Variants in DPY19L1 observed in about 807,000 individuals in gnomAD.
The protein encoded by DPY19L1 is protein C-mannosyl-transferase DPY19L1.
A neutral mutation model predicts 96.9 loss-of-function variants in DPY19L1; 35 were observed. The observed-to-expected ratio is 0.36, with a 90% CI of 0.28 to 0.48. The LOEUF is 0.48. Ranked by LOEUF, DPY19L1 falls within the 20% of genes least tolerant of loss-of-function variation. DPY19L1 has a pLI of 0.99. For synonymous variants in DPY19L1, 205 were observed against 252.6 expected, an observed-to-expected ratio of 0.81 and a Z score of 1.79; for missense variants, 521 against 777.9, an observed-to-expected ratio of 0.67 and a Z score of 3.93.
intron 1 of DPY19L1, among the ~76,000 whole-genome samples, chr7:35,026,439 C>T (rs1280220956): frequency 6.6e-6 from 1 of 152,084 alleles, no homozygotes; most frequent in Non-Finnish European, 1.5e-5. Context: ...GATTGTGCAA[C>T]CAAGGTAAAG....
At position 34,994,250 on chromosome 7, in the gene DPY19L1, A is replaced by G. The variant is rs533228813; in HGVS notation, c.765-4309T>C. Reference sequence around the variant, plus strand: ...CTGAAGGAGATAATCAACAAGCTCAATGTCGTGACTATACAGAGATTACAC... The same window carrying G: ...CTGAAGGAGATAATCAACAAGCTCAGTGTCGTGACTATACAGAGATTACAC... On this transcript the variant is annotated intron_variant, in intron 6 of 21. Transcript: ENST00000638088. 6.6e-5 allele frequency among the ~76,000 whole-genome samples: 10 copies of G among 152,256 alleles called. 1 individual carries two copies. The highest frequency in any genetic ancestry group is 1.9e-4 in the African/African-American group (8 of 41,534).
chr7:34,959,899 A>ATATATATATATATATATATATATT (rs1562806825), intron 10 of DPY19L1, among the ~76,000 whole-genome samples: 24 of 34,410 alleles, frequency 7.0e-4, no homozygotes, highest in East Asian at 8.7e-3. Flanking sequence ...TTGTATATAA[A>ATATATATATATATATATATATATT]TATATATATA....
chr7:34,960,092 A>AT (rs1784471621), intron 10 of DPY19L1, among the ~76,000 whole-genome samples: 1 of 149,894 alleles, frequency 6.7e-6, no homozygotes, highest in Non-Finnish European at 1.5e-5. Context: ...AGGTCTTTGG[A>AT]TTTATCTGTC....
intron 10 of DPY19L1, among the ~76,000 whole-genome samples, chr7:34,959,711 T>C (rs1784451249): frequency 6.7e-6 from 1 of 149,814 alleles, no homozygotes; most frequent in Admixed American, 6.7e-5. Flanking sequence ...TCAGGGACTG[T>C]TGGGGGCTGG....
At chr7:35,003,826 T>G (rs953108495) in intron 6 of DPY19L1, among the ~76,000 whole-genome samples, 1 of 152,248 alleles carries the variant, frequency 6.6e-6, no homozygotes, top group Non-Finnish European at 1.5e-5. Flanking sequence ...GCAGAGCCAG[T>G]GTACTGTAGT....
chr7:34,960,603 T>C (rs1191542403), intron 10 of DPY19L1, among the ~76,000 whole-genome samples: 2 of 152,142 alleles, frequency 1.3e-5, no homozygotes, highest in Non-Finnish European at 2.9e-5. Flanking sequence ...TTTCAGTCAA[T>C]TGTATTAGCT....
At chr7:34,987,460 T>C (rs1029312112) in intron 7 of DPY19L1, among the ~76,000 whole-genome samples, 1 of 152,054 alleles carries the variant, frequency 6.6e-6, no homozygotes, top group Non-Finnish European at 1.5e-5. Flanking sequence ...AATTTTCCCT[T>C]ATAAAACCAT....
intron 21 of DPY19L1, among the ~76,000 whole-genome samples, chr7:34,933,578 T>A (rs572328944): frequency 5.9e-5 from 9 of 152,144 alleles, no homozygotes; most frequent in Admixed American, 2.0e-4. Context: ...CTGGGAGAGG[T>A]TGACCCACCC....
chr7:34,989,340 C>T (rs190733130), intron 7 of DPY19L1, among the ~76,000 whole-genome samples: 11 of 152,166 alleles, frequency 7.2e-5, no homozygotes, highest in African/African-American at 2.4e-4. Flanking sequence ...TGAGGGCAGG[C>T]GTGGTGGCTT....
chr7:34,946,868 C>A (rs1001593745), intron 15 of DPY19L1, among the ~76,000 whole-genome samples: 1 of 152,190 alleles, frequency 6.6e-6, no homozygotes, highest in Admixed American at 6.5e-5. Context: ...AATTTAAATA[C>A]TCATGTGAAA....
intron 7 of DPY19L1, among the ~76,000 whole-genome samples, chr7:34,981,738 G>A (rs1387875459): frequency 6.6e-6 from 1 of 152,140 alleles, no homozygotes; most frequent in Non-Finnish European, 1.5e-5. Flanking sequence ...ATCACGTGAG[G>A]CCAGGAGTTC....
At chr7:34,942,581 G>T in intron 17 of DPY19L1, 34 bp downstream of exon 17, 1 of 1,540,580 alleles carries the variant, frequency 6.5e-7, no homozygotes, top group Non-Finnish European at 8.8e-7. Context: ...GCAACTTTAA[G>T]ATAAGTAAAA....
chr7:34,973,627 A>AT (rs912342778), intron 7 of DPY19L1, 22 bp from the exon 8 acceptor site: 1 of 1,331,158 alleles, frequency 7.5e-7, no homozygotes, highest in Non-Finnish European at 9.9e-7. Flanking sequence ...AATTTGTAGT[A>AT]TAGTATACTT....
intron 13 of DPY19L1, 23 bp downstream of exon 13, chr7:34,954,675 A>G (rs4000111): frequency 2.2e-4 from 319 of 1,428,466 alleles, no homozygotes; most frequent in Non-Finnish European, 2.9e-4. Context: ...AGTCTTTCAA[A>G]TTTAAGTAAA....
chr7:34,956,803 G>A (rs930290443), intron 11 of DPY19L1, among the ~76,000 whole-genome samples: 1 of 151,918 alleles, frequency 6.6e-6, no homozygotes, highest in Non-Finnish European at 1.5e-5. Flanking sequence ...GCGCCTGGCC[G>A]AAAAATGGGT....
chr7:34,971,201 G>T (rs1784718519), intron 8 of DPY19L1, among the ~76,000 whole-genome samples: 1 of 152,100 alleles, frequency 6.6e-6, no homozygotes. Flanking sequence ...GACAATGTCA[G>T]TAATAAGGAT....
chr7:34,973,551 G>T lies in DPY19L1; in HGVS notation c.877C>A (p.Leu293Ile), dbSNP rs1239336677. ...PLRESFSYPFLVLQMLLVTHI... is the reference protein window; with the variant it reads ...PLRESFSYPFIVLQMLLVTHI... ...GTCACTAGCAACATCTGAAGAACAA[G>T]AAATGGATATGAGAAGCTTTCACGG... is the stretch of plus-strand genomic sequence containing the variant. The change falls in exon 8 of 22, where the codon CTT becomes ATT. Residue 293 changes from leucine to isoleucine, a missense_variant. Coordinates refer to ENST00000638088, the MANE Select transcript of DPY19L1 (RefSeq NM_001366673.1). The T allele has an allele frequency of 6.5e-7, 1 of 1,540,698 alleles. No individual in the cohort carries two copies. Among genetic ancestry groups the T allele is most frequent in the Non-Finnish European group, 8.7e-7 (1 of 1,142,992 alleles).
intron 10 of DPY19L1, among the ~76,000 whole-genome samples, chr7:34,959,966 T>C (rs1784468990): frequency 6.8e-6 from 1 of 146,226 alleles, no homozygotes; most frequent in African/African-American, 2.5e-5. Context: ...TAGCCCCTTA[T>C]CAAGTAAACA....
chr7:35,000,760 G>T (rs898080893), intron 6 of DPY19L1: 1 of 152,078 alleles, frequency 6.6e-6, no homozygotes, highest in East Asian at 1.9e-4. Context: ...AAAAGAGAAC[G>T]GAAAGTCTAG....
Sources: allele counts gnomAD v4.1 joint callset (sites outside exome capture counted in the v4.1 genomes callset), GRCh38; gene constraint gnomAD v4.1.1; transcripts MANE v1.5; gene names NCBI Gene and HGNC (gene_info 2026-07-23, HGNC 2026-07-21).